Variants in RASGRF1 observed in about 807,000 individuals in gnomAD.
RASGRF1 encodes Ras protein specific guanine nucleotide releasing factor 1.
A neutral mutation model predicts 138.7 loss-of-function variants in RASGRF1; 40 were observed. That is an observed-to-expected ratio of 0.29 (90% CI 0.22 to 0.38). The LOEUF is 0.38. Ranked by LOEUF, RASGRF1 falls within the 10% of genes least tolerant of loss-of-function variation. The pLI is 1.00. For missense variants in RASGRF1, 1,108 were observed against 1,650.4 expected (o/e 0.67, Z 5.69); for synonymous variants, 614 against 663.2 (o/e 0.93, Z 1.14).
At position 79,002,823 on chromosome 15, in the gene RASGRF1, G is replaced by C. The variant is rs141467817; in HGVS notation, c.2449+979C>G. Among the ~76,000 whole-genome samples, 475 of 152,292 alleles carry C rather than the reference G, an allele frequency of 3.1e-3. 3 individuals are homozygous for C. The highest frequency in any genetic ancestry group is 0.011 in the African/African-American group (456 of 41,562). ...CTTGCCCCAGCTGTGCCCTCTGCTG[G>C]GGGTGCCCTCTGCCTTCCCTCTTGC... is the stretch of plus-strand genomic sequence containing the variant. On this transcript the variant is annotated intron_variant, in intron 15 of 26. Coordinates refer to ENST00000558480, the MANE Select transcript of RASGRF1 (RefSeq NM_001145648.3).
rs767242427 is a variant in RASGRF1, at chr15:79,006,326, C to T, written c.1935G>A (p.Glu645=). The change falls in exon 14 of 27, where the codon GAG becomes GAA. Residue 645 remains glutamate, a synonymous_variant. Coordinates refer to ENST00000558480, the MANE Select transcript of RASGRF1 (RefSeq NM_001145648.3). The surrounding 1 kb of genome is among the most constrained non-coding windows in gnomAD (Gnocchi z 4.0). ...IRYASVERLL[E]RLTDLRFLSI... ...TCAGGAAGCGCAGGTCCGTCAGCCT[C>T]TCCAGCAGCCGCTCCACACTGGCGT... is the stretch of plus-strand genomic sequence containing the variant. 1 of 1,614,228 alleles carries T rather than the reference C, an allele frequency of 6.2e-7. No individual in the cohort carries two copies. The highest frequency in any genetic ancestry group is 8.5e-7 in the Non-Finnish European group (1 of 1,180,046).
In RASGRF1 at chr15:79,090,630, A is replaced by G. The variant is rs1485900276; in HGVS notation, c.-132T>C. The G allele has an allele frequency of 2.1e-5, 24 of 1,165,092 alleles. No individual in the cohort carries two copies. Among genetic ancestry groups the G allele is most frequent in the South Asian group, 1.2e-4 (7 of 57,342 alleles). The allele number at this position is 1,165,092 out of a possible 1,614,324, so 72.2% of individuals were successfully genotyped here. A position where few individuals can be genotyped will look rare whatever the true frequency, so the allele number is the denominator to read the frequency against. On this transcript the variant is annotated 5_prime_UTR_variant, in exon 1 of 27. Coordinates refer to ENST00000558480, the MANE Select transcript of RASGRF1 (RefSeq NM_001145648.3). Reference sequence around the variant, plus strand: ...TCCCTCTAGCTCTCCCCTCCCCCCAAATATCTACACTCCAGGATCTGGCGC... The same window carrying G: ...TCCCTCTAGCTCTCCCCTCCCCCCAGATATCTACACTCCAGGATCTGGCGC...
chr15:79,023,077 G>A lies in RASGRF1; in HGVS notation c.1542+2237C>T, dbSNP rs529670926. On this transcript the variant is annotated intron_variant, in intron 10 of 26. Coordinates refer to ENST00000558480, the MANE Select transcript of RASGRF1 (RefSeq NM_001145648.3). ...TAGTCCCAGCTACTTGGGAGGCTGA[G>A]GCAGGAGAATGGGGTGAACCCAGGA... 3.9e-5 allele frequency among the ~76,000 whole-genome samples: 6 copies of A among 152,268 alleles called. No homozygotes were observed. In the South Asian group the frequency reaches 1.2e-3, roughly 32 times the overall value.
chr15:78,978,215 CTTTTG>C (rs1236707637), intron 24 of RASGRF1, among the ~76,000 whole-genome samples: 32 of 79,348 alleles, frequency 4.0e-4, no homozygotes, highest in Middle Eastern at 6.1e-3. Flanking sequence ...TTTTTCTTTT[CTTTTG>C]TTTTTTTTTT....
intron 13 of RASGRF1, among the ~76,000 whole-genome samples, chr15:79,014,929 A>C (rs1426970613): frequency 7.1e-6 from 1 of 140,040 alleles, no homozygotes; most frequent in East Asian, 2.0e-4. Context: ...AAAAACAAAA[A>C]ACAAAAAACA....
Position 79,004,125 on chromosome 15 carries a change from C to T in RASGRF1, c.2126G>A (p.Gly709Asp), listed in dbSNP as rs2141713783. Reference sequence around the variant, plus strand: ...GGCGCGCGGGGACTTGGGGGGTTCACCGTACAGGAGCTTATTGTTCTGGCC... The same window carrying T: ...GGCGCGCGGGGACTTGGGGGGTTCATCGTACAGGAGCTTATTGTTCTGGCC... The part of the protein sequence containing the change: ...ASGQNNKLLY[G>D]EPPKSPRATR... The change falls in exon 15 of 27, where the codon GGT becomes GAT. Residue 709 changes from glycine to aspartate, a missense_variant. This residue lies in a region of RASGRF1 where 686 missense variants were observed against 976.7 expected (regional missense o/e 0.70). Coordinates refer to ENST00000558480, the MANE Select transcript of RASGRF1 (RefSeq NM_001145648.3). 1 of 1,612,332 alleles carries T rather than the reference C, an allele frequency of 6.2e-7. No individual in the cohort carries two copies. Among genetic ancestry groups the T allele is most frequent in the Non-Finnish European group, 8.5e-7 (1 of 1,179,338 alleles).
chr15:79,038,807 C>T (rs1567560094), intron 5 of RASGRF1, among the ~76,000 whole-genome samples: 1 of 152,118 alleles, frequency 6.6e-6, no homozygotes, highest in Non-Finnish European at 1.5e-5. Flanking sequence ...TTCCCCACTC[C>T]CAAACTGCTT....
intron 2 of RASGRF1, among the ~76,000 whole-genome samples, chr15:79,062,649 C>G (rs1438310887): frequency 6.6e-6 from 1 of 152,186 alleles, no homozygotes; most frequent in Non-Finnish European, 1.5e-5. Flanking sequence ...ATTCTCCTGT[C>G]TCAGCCTCCT....
At chr15:79,055,270 C>T (rs1403925018) in intron 3 of RASGRF1, among the ~76,000 whole-genome samples, 3 of 152,154 alleles carry the variant, frequency 2.0e-5, no homozygotes, top group Non-Finnish European at 4.4e-5. Context: ...ACCTGGTGGC[C>T]ACTCCTCAAG....
rs2057795386 is a variant in RASGRF1 at position 79,073,912 on chromosome 15, C to T, written c.277-9386G>A. On this transcript the variant is annotated intron_variant, in intron 1 of 26. Coordinates refer to ENST00000558480, the MANE Select transcript of RASGRF1 (RefSeq NM_001145648.3). This position sits in a 1 kb window ranked among gnomAD's most constrained non-coding sequence, Gnocchi z 4.2. ...ACAAGCCCCCCAGGTGATCCTGCTG[C>T]ACCCTGTGGTATGAGAAGCATTGCT... Among the ~76,000 whole-genome samples the T allele has an allele frequency of 6.6e-6, 1 of 152,222 alleles. No homozygotes were observed. The highest frequency in any genetic ancestry group is 1.5e-5 in the Non-Finnish European group (1 of 68,038).
intron 25 of RASGRF1, among the ~76,000 whole-genome samples, chr15:78,972,489 GA>G (rs755358317): frequency 2.7e-5 from 4 of 150,270 alleles, no homozygotes; most frequent in South Asian, 2.1e-4. Context: ...ACTGAGAGAA[GA>G]AAAAAAATCT....
At chr15:78,967,775 C>T (rs966827283) in intron 26 of RASGRF1, among the ~76,000 whole-genome samples, 2 of 152,060 alleles carry the variant, frequency 1.3e-5, no homozygotes, top group African/African-American at 2.4e-5. Flanking sequence ...ACAACATATA[C>T]GTATAATCCT....
At chr15:78,989,739 A>G (rs1198619831) in intron 22 of RASGRF1, among the ~76,000 whole-genome samples, 2 of 152,224 alleles carry the variant, frequency 1.3e-5, no homozygotes, top group Admixed American at 1.3e-4. Flanking sequence ...GCCATTGTCC[A>G]GCCAAATATT....
intron 26 of RASGRF1, among the ~76,000 whole-genome samples, chr15:78,965,661 G>C (rs1454524209): frequency 6.6e-6 from 1 of 152,092 alleles, no homozygotes; most frequent in Non-Finnish European, 1.5e-5. Flanking sequence ...GACTAGCCTG[G>C]CCAGTGTGGT....
chr15:79,057,013 G>A (rs1307215144), intron 3 of RASGRF1, among the ~76,000 whole-genome samples: 1 of 152,164 alleles, frequency 6.6e-6, no homozygotes, highest in African/African-American at 2.4e-5. Context: ...CAGCTCCTTG[G>A]ATGGGTCCTT....
At chr15:79,042,981 G>T (rs1205770897) in intron 5 of RASGRF1, among the ~76,000 whole-genome samples, 1 of 152,206 alleles carries the variant, frequency 6.6e-6, no homozygotes, top group African/African-American at 2.4e-5. Flanking sequence ...TGATCTGGAG[G>T]CAGTCATGTT....
At chr15:79,052,479 G>A (rs116174159) in intron 3 of RASGRF1, among the ~76,000 whole-genome samples, 2,169 of 152,166 alleles carry the variant, frequency 0.014, 59 homozygotes, top group African/African-American at 0.05. Context: ...TTCCCTTTGT[G>A]CCAACCTTAT....
chr15:78,973,465 G>C lies in RASGRF1; in HGVS notation c.3495-45C>G. ...AACACAAGTTTTTCATTTTAAAAAA[G>C]TAACGTCTACCAAGAACAGAACATC... On this transcript the variant is annotated intron_variant, in intron 24 of 26. Coordinates refer to ENST00000558480, the MANE Select transcript of RASGRF1 (RefSeq NM_001145648.3). This position sits in a 1 kb window ranked among gnomAD's most constrained non-coding sequence, Gnocchi z 4.9. 7.0e-7 allele frequency: 1 copy of C among 1,425,574 alleles called. No individual in the cohort carries two copies. The highest frequency in any genetic ancestry group is 9.8e-7 in the Non-Finnish European group (1 of 1,017,950). The allele number at this position is 1,425,574 out of a possible 1,614,324, so 88.3% of individuals were successfully genotyped here.
At chr15:78,966,316 A>C (rs1319427026) in intron 26 of RASGRF1, among the ~76,000 whole-genome samples, 1 of 145,306 alleles carries the variant, frequency 6.9e-6, no homozygotes, top group Non-Finnish European at 1.5e-5. Context: ...GGCTCACTGT[A>C]GCCTCAACCT....
Sources: allele counts gnomAD v4.1 joint callset (sites outside exome capture counted in the v4.1 genomes callset), GRCh38; gene constraint gnomAD v4.1.1; regional missense constraint gnomAD v4.1.1; non-coding constraint Gnocchi (gnomAD v3.1); transcripts MANE v1.5; gene names NCBI Gene and HGNC (gene_info 2026-07-23, HGNC 2026-07-21).